WDR76: variants seen among roughly 807,000 people sequenced by gnomAD.
WDR76 encodes WD repeat domain 76.
WDR76 carries 52 observed loss-of-function variants against 70.2 expected under a neutral mutation model. That is an observed-to-expected ratio of 0.74 (90% CI 0.59 to 0.93). The LOEUF (loss-of-function observed/expected upper bound fraction) is 0.93, where lower values mean the gene tolerates loss of function less well. Among genes scored for constraint, WDR76 ranks in the 40% least tolerant of loss-of-function variants. The probability of loss-of-function intolerance (pLI) is 0.00; values close to 1 mark genes in which losing one functional copy is unlikely to be tolerated. For missense variants in WDR76, 756 were observed against 760.2 expected, an observed-to-expected ratio of 0.99 and a Z score of 0.07; for synonymous variants, 292 against 271.1, an observed-to-expected ratio of 1.08 and a Z score of -0.76.
chr15:43,836,868 T>TAAA (rs779650391), intron 4 of WDR76, among the ~76,000 whole-genome samples: 1 of 129,132 alleles, frequency 7.7e-6, no homozygotes, highest in Non-Finnish European at 1.7e-5. Flanking sequence ...CCATCGCTAC[T>TAAA]AAAAAAAAAA....
intron 9 of WDR76, among the ~76,000 whole-genome samples, chr15:43,856,603 CTTT>C (rs947724840): frequency 1.5e-5 from 2 of 131,740 alleles, no homozygotes; most frequent in Admixed American, 7.6e-5. Flanking sequence ...TGTTTTGTTT[CTTT>C]TTTTTTTTTT....
At chr15:43,862,562 G>A (rs2088016078) in intron 12 of WDR76, among the ~76,000 whole-genome samples, 1 of 150,420 alleles carries the variant, frequency 6.6e-6, no homozygotes, top group African/African-American at 2.5e-5. Flanking sequence ...AGGCTGGAGT[G>A]CAGGCTCGCG....
chr15:43,866,465 G>C lies in WDR76; in HGVS notation c.*73G>C. 6.6e-7 allele frequency: 1 copy of C among 1,512,324 alleles called. No homozygotes were observed. Among genetic ancestry groups the C allele is most frequent in the Non-Finnish European group, 9.1e-7 (1 of 1,100,872 alleles). The allele number at this position is 1,512,324 out of a possible 1,614,324, so 93.7% of individuals were successfully genotyped here. On this transcript the variant is annotated 3_prime_UTR_variant, in exon 13 of 13. Coordinates refer to ENST00000263795, the MANE Select transcript of WDR76 (RefSeq NM_024908.4). ...GGAGCCTAGTAATCGGCGTGCCTTA[G>C]TGTGTTTATGTGGTAATGTGTTACA...
Position 43,859,723 on chromosome 15 carries a change from C to T in WDR76, c.1562+900C>T, listed in dbSNP as rs149968784. Among the ~76,000 whole-genome samples the T allele has an allele frequency of 1.3e-4, 20 of 152,320 alleles. No individual in the cohort carries two copies. In the South Asian group the frequency reaches 1.7e-3, roughly 13 times the overall value. ...TCCACTCATGTAGTTTCCTTTGTCT[C>T]AAAAGCTGCTTATTCTGTTCCTGTT... On this transcript the variant is annotated intron_variant, in intron 11 of 12. Transcript: ENST00000263795.
At chr15:43,836,435 GTTTATA>G (rs1185625179) in intron 4 of WDR76, among the ~76,000 whole-genome samples, 3 of 152,122 alleles carry the variant, frequency 2.0e-5, no homozygotes, top group East Asian at 1.9e-4. Context: ...GCTGAATTTT[GTTTATA>G]TTTATTGTTG....
chr15:43,834,979 G>A, intron 2 of WDR76, 82 bp from the exon 3 acceptor site: 1 of 1,165,146 alleles, frequency 8.6e-7, no homozygotes, highest in Non-Finnish European at 1.3e-6. Context: ...TATTCATGTA[G>A]AAAATGAAAC....
intron 12 of WDR76, among the ~76,000 whole-genome samples, chr15:43,864,940 T>C (rs1230895397): frequency 6.6e-6 from 1 of 152,124 alleles, no homozygotes; most frequent in African/African-American, 2.4e-5. Flanking sequence ...ATTTTAATTT[T>C]TTGAAATGGA....
chr15:43,837,393 C>G (rs2087670303), intron 4 of WDR76, among the ~76,000 whole-genome samples: 1 of 152,178 alleles, frequency 6.6e-6, no homozygotes, highest in Admixed American at 6.5e-5. Flanking sequence ...GGTCCTGTTG[C>G]CCGCTGATTA....
chr15:43,839,185 C>T (rs917766871), intron 4 of WDR76, among the ~76,000 whole-genome samples: 4 of 152,168 alleles, frequency 2.6e-5, no homozygotes, highest in African/African-American at 9.6e-5. Flanking sequence ...CCTTAGTTTT[C>T]CAGGCCTTTT....
chr15:43,861,488 T>A, intron 12 of WDR76, 102 bp downstream of exon 12: 1 of 1,164,946 alleles, frequency 8.6e-7, no homozygotes, highest in Non-Finnish European at 1.3e-6. Flanking sequence ...GTAATAGTCC[T>A]GATTTTTGAA....
chr15:43,865,720 T>A (rs1475346929), intron 12 of WDR76, among the ~76,000 whole-genome samples: 3 of 152,340 alleles, frequency 2.0e-5, no homozygotes, highest in Middle Eastern at 3.4e-3. Context: ...TGTATATTTT[T>A]AAAAAATTTA....
intron 4 of WDR76, among the ~76,000 whole-genome samples, chr15:43,837,830 C>G (rs1296112969): frequency 2.6e-5 from 4 of 151,800 alleles, no homozygotes; most frequent in African/African-American, 4.8e-5. Context: ...CCCGATACAA[C>G]CACTATGCTG....
In WDR76 at chr15:43,866,424, A is replaced by G; in HGVS notation, c.*32A>G. 6.2e-7 allele frequency: 1 copy of G among 1,610,368 alleles called. No homozygotes were observed. The highest frequency in any genetic ancestry group is 8.5e-7 in the Non-Finnish European group (1 of 1,176,974). ...GGTTTAGGAACATCAATTTGTTCAA[A>G]TTGACCACTGTCTAAGGAGCCTAGT... On this transcript the variant is annotated 3_prime_UTR_variant, in exon 13 of 13. Transcript: ENST00000263795.
rs191902897 is a variant in WDR76, at chr15:43,853,767, G to A, written c.1191+2522G>A. Among the ~76,000 whole-genome samples the A allele has an allele frequency of 8.5e-3, 1,289 of 151,884 alleles. 18 individuals carry two copies. Among genetic ancestry groups the A allele is most frequent in the African/African-American group, 0.029 (1,217 of 41,450 alleles). On this transcript the variant is annotated intron_variant, in intron 9 of 12. Transcript: ENST00000263795. ...CTAAAAATACAAAAATTAGCCAGGC[G>A]CGGTGGCAGGCACCTGTAGTCCCAG...
chr15:43,863,012 T>C (rs1225106584), intron 12 of WDR76, among the ~76,000 whole-genome samples: 1 of 152,164 alleles, frequency 6.6e-6, no homozygotes, highest in Non-Finnish European at 1.5e-5. Flanking sequence ...CTCGGCTCAC[T>C]GCAGCCTCCG....
At chr15:43,831,074 T>C (rs1190352439) in intron 2 of WDR76, among the ~76,000 whole-genome samples, 1 of 144,836 alleles carries the variant, frequency 6.9e-6, no homozygotes. Context: ...AAAAAGAAAA[T>C]ATAAAAATTA....
At position 43,832,956 on chromosome 15, in the gene WDR76, C is replaced by T. The variant is rs143416069; in HGVS notation, c.463-2105C>T. 5.2e-3 allele frequency among the ~76,000 whole-genome samples: 789 copies of T among 151,234 alleles called. 8 individuals carry two copies. The highest frequency in any genetic ancestry group is 0.018 in the African/African-American group (756 of 41,186). The stretch of plus-strand genomic sequence containing the variant: ...TTTTAGTAGAGACGGGGTTTCGACA[C>T]GTTGGCCAGGCTGGTTTCAAGTTCC... On this transcript the variant is annotated intron_variant, in intron 2 of 12. Transcript: ENST00000263795.
intron 9 of WDR76, among the ~76,000 whole-genome samples, chr15:43,852,848 T>A (rs955721583): frequency 1.3e-5 from 2 of 152,356 alleles, no homozygotes; most frequent in East Asian, 1.9e-4. Flanking sequence ...ATTTTATTCA[T>A]CTGTTCATCA....
At chr15:43,831,221 ACT>A (rs1488903523) in intron 2 of WDR76, among the ~76,000 whole-genome samples, 6 of 151,964 alleles carry the variant, frequency 3.9e-5, no homozygotes, top group African/African-American at 1.5e-4. Flanking sequence ...ACAGAGCAAG[ACT>A]CTTGTTTTAA....
Sources: allele counts gnomAD v4.1 joint callset (sites outside exome capture counted in the v4.1 genomes callset), GRCh38; gene constraint gnomAD v4.1.1; transcripts MANE v1.5; gene names NCBI Gene and HGNC (gene_info 2026-07-23, HGNC 2026-07-21).